The following FOXP2 variants were observed in gnomAD, a reference collection of about 807,000 sequenced individuals.
FOXP2 encodes forkhead box P2.
Under a neutral mutation model 115.8 loss-of-function variants are expected in FOXP2, and 12 were observed. That is an observed-to-expected ratio of 0.10 (90% CI 0.07 to 0.17). The LOEUF (loss-of-function observed/expected upper bound fraction) is 0.17. FOXP2 is among the 10% of genes least tolerant of loss of function. The pLI is 1.00. For missense variants in FOXP2, 629 were observed against 843.5 expected (o/e 0.75, Z 3.15); for synonymous variants, 328 against 297.7 (o/e 1.10, Z -1.05).
chr7:114,111,566 T>C (rs1584484981), intron 1 of FOXP2, among the ~76,000 whole-genome samples: 1 of 152,140 alleles, frequency 6.6e-6, no homozygotes, highest in Non-Finnish European at 1.5e-5. Flanking sequence ...ACAGGAACTT[T>C]TAAGTTTATT....
At chr7:114,515,795 T>C (rs1798311166) in intron 2 of FOXP2, among the ~76,000 whole-genome samples, 1 of 152,186 alleles carries the variant, frequency 6.6e-6, no homozygotes, top group Admixed American at 6.5e-5. Flanking sequence ...TCCTTGCTCA[T>C]GCCTATGTCC....
At chr7:114,242,192 G>C (rs1264082032) in intron 1 of FOXP2, among the ~76,000 whole-genome samples, 1 of 151,594 alleles carries the variant, frequency 6.6e-6, no homozygotes, top group African/African-American at 2.4e-5. Context: ...ACAGCCTATA[G>C]GTCATTGGTT....
chr7:114,251,513 A>G (rs1470179233), intron 1 of FOXP2, among the ~76,000 whole-genome samples: 1 of 152,296 alleles, frequency 6.6e-6, no homozygotes, highest in East Asian at 1.9e-4. Flanking sequence ...AATACTTCAC[A>G]TCCCTTGTAA....
At chr7:114,608,283 G>A (rs959628369) in intron 3 of FOXP2, among the ~76,000 whole-genome samples, 1 of 152,198 alleles carries the variant, frequency 6.6e-6, no homozygotes, top group Non-Finnish European at 1.5e-5. Flanking sequence ...TGTTGGCTGT[G>A]TTGTGGTCTC....
At chr7:114,641,914 T>G (rs1435855760) in intron 6 of FOXP2, among the ~76,000 whole-genome samples, 1 of 152,102 alleles carries the variant, frequency 6.6e-6, no homozygotes, top group African/African-American at 2.4e-5. Context: ...CAGGCAATTC[T>G]CCCGCCTCAA....
intron 1 of FOXP2, among the ~76,000 whole-genome samples, chr7:114,423,478 A>G (rs1406171725): frequency 1.3e-5 from 2 of 151,654 alleles, no homozygotes; most frequent in African/African-American, 2.4e-5. Context: ...ATGTGGCTGA[A>G]AAGTTGTGTA....
chr7:114,106,592 A>G (rs2129141512), intron 1 of FOXP2, among the ~76,000 whole-genome samples: 1 of 152,094 alleles, frequency 6.6e-6, no homozygotes, highest in South Asian at 2.1e-4. Context: ...TATGTTACAA[A>G]CAGCTGATCC....
intron 3 of FOXP2, among the ~76,000 whole-genome samples, chr7:114,602,045 A>T (rs535781651): frequency 6.6e-6 from 1 of 152,182 alleles, no homozygotes; most frequent in East Asian, 1.9e-4. Context: ...ATCTTATGGA[A>T]TGTATATCTG....
chr7:114,088,959 A>G lies in FOXP2; in HGVS notation c.-247+1121A>G, dbSNP rs370110568. 9.9e-5 allele frequency among the ~76,000 whole-genome samples: 15 copies of G among 152,228 alleles called. No homozygotes were observed. The East Asian group carries it at 2.7e-3, about 27-fold the overall frequency. On this transcript the variant is annotated intron_variant, in intron 1 of 19. Coordinates refer to the FOXP2 transcript ENST00000635638. ...TAACTTACAATTTTGATTTATTTGTATCTATATTAAAAGAGTGGGTATAAA... is the reference window on the plus strand; with the variant it reads ...TAACTTACAATTTTGATTTATTTGTGTCTATATTAAAAGAGTGGGTATAAA...
rs571409501 is a variant in FOXP2 at position 114,120,670 on chromosome 7, A to ATGTG, written c.-247+32850_-247+32853dup. ...ACTCTTCTAAGCACTTCATATATGT[A>ATGTG]TGTGTGTGTGTGTGTGTGTGTATAT... On this transcript the variant is annotated intron_variant, in intron 1 of 19. Coordinates refer to the FOXP2 transcript ENST00000635638. Among the ~76,000 whole-genome samples the ATGTG allele has an allele frequency of 4.5e-3, 668 of 147,304 alleles. 6 individuals are homozygous for ATGTG. The highest frequency in any genetic ancestry group is 0.015 in the African/African-American group (594 of 40,280).
chr7:114,437,274 A>G (rs1451094679), intron 2 of FOXP2, among the ~76,000 whole-genome samples: 1 of 152,142 alleles, frequency 6.6e-6, no homozygotes, highest in African/African-American at 2.4e-5. Context: ...TTGTGTTCTT[A>G]TGAAATGCTA....
rs1259633749 is a variant in FOXP2 at position 114,693,132 on chromosome 7, A to C, written c.*3206A>C. 4.4e-6 allele frequency: 2 copies of C among 453,804 alleles called. No homozygotes were observed. The highest frequency in any genetic ancestry group is 2.4e-5 in the Admixed American group (1 of 42,536). 28.1% of individuals were successfully genotyped at this position (453,804 alleles called of 1,614,324 possible). ...TTCTATGTGGTTGGATTCGTGGCAC[A>C]GTTGTACTATTTGAAAATCAATTAA... On this transcript the variant is annotated 3_prime_UTR_variant, in exon 17 of 17. Coordinates refer to ENST00000350908, the MANE Select transcript of FOXP2 (RefSeq NM_014491.4).
chr7:114,424,405 T>C (rs1319792935), intron 1 of FOXP2, among the ~76,000 whole-genome samples: 2 of 151,448 alleles, frequency 1.3e-5, no homozygotes, highest in African/African-American at 4.8e-5. Context: ...AATAAAAACA[T>C]ACACATATAT....
intron 16 of FOXP2, chr7:114,666,243 G>GA (rs935394596): frequency 4.6e-5 from 7 of 151,734 alleles, no homozygotes; most frequent in African/African-American, 1.7e-4. Flanking sequence ...ATAGATTTCA[G>GA]AAAAAATAAA....
intron 3 of FOXP2, among the ~76,000 whole-genome samples, chr7:114,625,499 A>G (rs1473485993): frequency 1.3e-5 from 2 of 151,854 alleles, no homozygotes; most frequent in African/African-American, 2.4e-5. Flanking sequence ...GATTTCGTCT[A>G]TTTAAATATT....
At chr7:114,293,658 T>G (rs888391487) in intron 2 of FOXP2, among the ~76,000 whole-genome samples, 3 of 152,206 alleles carry the variant, frequency 2.0e-5, no homozygotes, top group African/African-American at 7.2e-5. Context: ...CTTGTGATAG[T>G]GAGTTCTCAG....
chr7:114,637,543 C>T (rs1805289388), intron 6 of FOXP2, among the ~76,000 whole-genome samples: 2 of 152,128 alleles, frequency 1.3e-5, no homozygotes, highest in Non-Finnish European at 2.9e-5. Flanking sequence ...TTTCAAGTAA[C>T]ATTCTTTGAG....
chr7:114,515,801 T>C (rs898590016), intron 2 of FOXP2, among the ~76,000 whole-genome samples: 5 of 152,146 alleles, frequency 3.3e-5, no homozygotes, highest in African/African-American at 1.2e-4. Flanking sequence ...CTCATGCCTA[T>C]GTCCTGAATT....
At chr7:114,127,695 G>A (rs1286593544) in intron 1 of FOXP2, among the ~76,000 whole-genome samples, 1 of 152,124 alleles carries the variant, frequency 6.6e-6, no homozygotes, top group Non-Finnish European at 1.5e-5. Flanking sequence ...TATCTAAAAT[G>A]TTCTTTGCTT....
Sources: gnomAD v4.1 joint callset for allele counts (sites outside exome capture counted in the v4.1 genomes callset) on GRCh38, gnomAD v4.1.1 for gene constraint, MANE v1.5 for transcripts, NCBI Gene and HGNC (gene_info 2026-07-23, HGNC 2026-07-21) for gene names.